Variants in RBMS3 observed in about 807,000 individuals in gnomAD.
RBMS3 encodes the protein RNA binding motif single stranded interacting protein 3.
RBMS3 carries 27 observed loss-of-function variants against 66.8 expected under a neutral mutation model. The observed-to-expected ratio is 0.40, with a 90% CI of 0.30 to 0.56. RBMS3 has a LOEUF of 0.56. Among genes scored for constraint, RBMS3 ranks in the 20% least tolerant of loss-of-function variants. The pLI is 0.40. For missense variants in RBMS3, 513 were observed against 549.5 expected (o/e 0.93, Z 0.66); for synonymous variants, 188 against 183.0 (o/e 1.03, Z -0.22).
intron 14 of RBMS3, among the ~76,000 whole-genome samples, chr3:29,994,250 T>A (rs912162822): frequency 6.6e-6 from 1 of 152,196 alleles, no homozygotes; most frequent in Non-Finnish European, 1.5e-5. Flanking sequence ...ACCACAAGAT[T>A]ATATCCCGCA....
chr3:29,543,593 G>T lies in RBMS3; in HGVS notation c.308-43521G>T, dbSNP rs900021378. On this transcript the variant is annotated intron_variant, in intron 3 of 14. Transcript: ENST00000383767. Reference sequence around the variant, plus strand: ...GGTTTGGTGGCGCAAGTCTGTAATCGCAGCTACTCAGGTGGCTGAGGCAGG... The same window carrying T: ...GGTTTGGTGGCGCAAGTCTGTAATCTCAGCTACTCAGGTGGCTGAGGCAGG... Among the ~76,000 whole-genome samples the T allele has an allele frequency of 3.9e-5, 6 of 152,116 alleles. No individual in the cohort carries two copies. In the East Asian group the frequency reaches 1.2e-3, roughly 29 times the overall value.
chr3:29,880,851 T>C (rs2059720877), intron 7 of RBMS3: 1 of 1,525,232 alleles, frequency 6.6e-7, no homozygotes, highest in East Asian at 2.4e-5. Flanking sequence ...CCGACCCTTT[T>C]GCAATGAAAA....
intron 4 of RBMS3, among the ~76,000 whole-genome samples, chr3:29,714,879 C>G (rs2053325470): frequency 6.6e-6 from 1 of 152,028 alleles, no homozygotes; most frequent in South Asian, 2.1e-4. Flanking sequence ...CAGTTACAGA[C>G]CTTGAGGTGA....
At chr3:29,472,473 G>C (rs575982510) in intron 2 of RBMS3, among the ~76,000 whole-genome samples, 1 of 152,164 alleles carries the variant, frequency 6.6e-6, no homozygotes, top group South Asian at 2.1e-4. Flanking sequence ...TAGTGTGTCC[G>C]GAATTGGTGG....
intron 2 of RBMS3, among the ~76,000 whole-genome samples, chr3:29,445,420 A>AG (rs2041792129): frequency 6.6e-6 from 1 of 152,086 alleles, no homozygotes; most frequent in African/African-American, 2.4e-5. Flanking sequence ...GACAAAAAAA[A>AG]AAAACTGTTT....
At chr3:29,946,523 T>G (rs1340289095) in intron 12 of RBMS3, among the ~76,000 whole-genome samples, 2 of 151,692 alleles carry the variant, frequency 1.3e-5, no homozygotes, top group African/African-American at 4.8e-5. Context: ...AATAGACCCC[T>G]GATTAAAATA....
intron 3 of RBMS3, among the ~76,000 whole-genome samples, chr3:29,522,472 G>T (rs147422887): frequency 6.6e-6 from 1 of 152,224 alleles, no homozygotes; most frequent in East Asian, 1.9e-4. Flanking sequence ...GGTATTACAG[G>T]CATGAGCCAC....
Position 29,936,120 on chromosome 3 carries a change from T to C in RBMS3, c.974T>C (p.Met325Thr). ...AVITPTMDHP[M>T]SMQPANMMGP... The stretch of plus-strand genomic sequence containing the variant: ...ATTACACCAACCATGGACCATCCCA[T>C]GTCAATGCAGCCAGCCAACATGATG... The change falls in exon 11 of 15, where the codon ATG becomes ACG. Residue 325 changes from methionine (M) to threonine (T), a missense_variant. Coordinates refer to ENST00000383767, the MANE Select transcript of RBMS3 (RefSeq NM_001003793.3). 1.2e-6 allele frequency: 2 copies of C among 1,613,336 alleles called. No individual in the cohort carries two copies. Among genetic ancestry groups the C allele is most frequent in the Non-Finnish European group, 8.5e-7 (1 of 1,179,532 alleles).
rs77059702 is a variant in RBMS3 at position 29,923,006 on chromosome 3, C to T, written c.940-13080C>T. ...GTCAACCAGATGTTTTCACCTGAAT[C>T]ATGCCCACAGATGCTATTGCTTCAT... On this transcript the variant is annotated intron_variant, in intron 10 of 14. Coordinates refer to ENST00000383767, the MANE Select transcript of RBMS3 (RefSeq NM_001003793.3). 3.1e-3 allele frequency among the ~76,000 whole-genome samples: 471 copies of T among 152,322 alleles called. 13 individuals are homozygous for T. The East Asian group carries it at 0.077, about 25-fold the overall frequency.
intron 1 of RBMS3, among the ~76,000 whole-genome samples, chr3:29,417,978 A>G (rs2040547315): frequency 6.6e-6 from 1 of 152,184 alleles, no homozygotes; most frequent in Non-Finnish European, 1.5e-5. Context: ...AAGACCAACC[A>G]TTGGAATTTA....
intron 6 of RBMS3, among the ~76,000 whole-genome samples, chr3:29,827,316 T>C (rs200610942): frequency 6.6e-6 from 1 of 152,184 alleles, no homozygotes; most frequent in East Asian, 1.9e-4. Flanking sequence ...ACAAATAGGT[T>C]AATGAAATTT....
At chr3:29,755,758 A>T (rs1286879963) in intron 5 of RBMS3, among the ~76,000 whole-genome samples, 1 of 152,110 alleles carries the variant, frequency 6.6e-6, no homozygotes, top group Non-Finnish European at 1.5e-5. Flanking sequence ...ATTTCTCTCT[A>T]CTCTTGCCTT....
At chr3:29,294,216 C>T (rs2033058894) in intron 1 of RBMS3, among the ~76,000 whole-genome samples, 1 of 151,730 alleles carries the variant, frequency 6.6e-6, no homozygotes, top group Non-Finnish European at 1.5e-5. Context: ...CTTTTTTGAA[C>T]CAGAGTTGCT....
At chr3:29,905,970 T>C (rs1457308062) in intron 10 of RBMS3, among the ~76,000 whole-genome samples, 1 of 152,092 alleles carries the variant, frequency 6.6e-6, no homozygotes, top group Non-Finnish European at 1.5e-5. Context: ...TAATGCATTT[T>C]ATGAAGTTAA....
At chr3:29,961,852 G>A (rs377217918) in intron 12 of RBMS3, among the ~76,000 whole-genome samples, 3 of 151,296 alleles carry the variant, frequency 2.0e-5, no homozygotes, top group East Asian at 3.9e-4. Context: ...ATTTGGGTGG[G>A]GACACAGCAA....
At chr3:29,284,711 A>G (rs1196239426) in intron 1 of RBMS3, among the ~76,000 whole-genome samples, 3 of 152,040 alleles carry the variant, frequency 2.0e-5, no homozygotes, top group Non-Finnish European at 4.4e-5. Context: ...AATGTTATAT[A>G]TTAGAAAAAT....
intron 3 of RBMS3, among the ~76,000 whole-genome samples, chr3:29,498,516 AC>A (rs2043846380): frequency 6.6e-6 from 1 of 152,224 alleles, no homozygotes; most frequent in Non-Finnish European, 1.5e-5. Context: ...AACTTGTAAT[AC>A]TATGTAAATA....
At chr3:29,503,686 A>C (rs56224523) in intron 3 of RBMS3, among the ~76,000 whole-genome samples, 2,871 of 152,194 alleles carry the variant, frequency 0.019, 91 homozygotes, top group African/African-American at 0.066. Flanking sequence ...GCATAACAGC[A>C]AGGCAGTCAT....
intron 3 of RBMS3, among the ~76,000 whole-genome samples, chr3:29,577,670 T>C (rs2047167370): frequency 1.3e-5 from 2 of 152,208 alleles, no homozygotes; most frequent in African/African-American, 4.8e-5. Context: ...GAGCCCAGTA[T>C]AGCTTTGCTC....
Sources: gnomAD v4.1 joint callset for allele counts (sites outside exome capture counted in the v4.1 genomes callset) on GRCh38, gnomAD v4.1.1 for gene constraint, MANE v1.5 for transcripts, NCBI Gene and HGNC (gene_info 2026-07-23, HGNC 2026-07-21) for gene names.